Variants in CENPP observed in about 807,000 individuals in gnomAD.
CENPP encodes the protein centromere protein P.
A neutral mutation model predicts 35.6 loss-of-function variants in CENPP; 24 were observed. The observed-to-expected ratio is 0.67, with a 90% CI of 0.49 to 0.95. The LOEUF is 0.95. Among genes scored for constraint, CENPP ranks in the 40% least tolerant of loss-of-function variants. The pLI, the probability that CENPP is intolerant of heterozygous loss-of-function variation, is 0.00. For missense variants in CENPP, 332 were observed against 345.3 expected, an observed-to-expected ratio of 0.96 and a Z score of 0.31; for synonymous variants, 120 against 125.5, an observed-to-expected ratio of 0.96 and a Z score of 0.29.
At chr9:92,388,904 A>G (rs1008139342) in intron 5 of CENPP, among the ~76,000 whole-genome samples, 6 of 151,798 alleles carry the variant, frequency 4.0e-5, no homozygotes, top group African/African-American at 1.5e-4. Context: ...TGAGTTCCTT[A>G]TAAGAAACAT....
intron 5 of CENPP, among the ~76,000 whole-genome samples, chr9:92,425,329 G>A (rs1843936451): frequency 6.6e-6 from 1 of 152,128 alleles, no homozygotes; most frequent in Admixed American, 6.5e-5. Flanking sequence ...AAATAATTCT[G>A]TAGTATTGAA....
chr9:92,533,316 A>C (rs1230646336), intron 5 of CENPP, among the ~76,000 whole-genome samples: 1 of 97,178 alleles, frequency 1.0e-5, no homozygotes, highest in African/African-American at 4.2e-5. Flanking sequence ...AAAAAAAAAA[A>C]AAAAAAAAAA....
At chr9:92,581,576 A>G (rs1362091507) in intron 5 of CENPP, among the ~76,000 whole-genome samples, 1 of 152,196 alleles carries the variant, frequency 6.6e-6, no homozygotes, top group Non-Finnish European at 1.5e-5. Context: ...ATAATAGCAT[A>G]CTTCCTATAC....
At chr9:92,352,505 GTATACATATATATA>G (rs1841484696) in intron 4 of CENPP, among the ~76,000 whole-genome samples, 1 of 49,766 alleles carries the variant, frequency 2.0e-5, no homozygotes, top group Middle Eastern at 9.6e-3. Flanking sequence ...GTGTGTGTGT[GTATACATATATATA>G]TATATATATA....
rs1554686449 is a variant in CENPP, at chr9:92,552,215, A to ACC, written c.565-59096_565-59095dup. ...TACACACACACACACACACACACAC[A>ACC]CCCCACAGTTTCTTTATCCACTTGT... On this transcript the variant is annotated intron_variant, in intron 5 of 7. Transcript: ENST00000375587. 4.2e-3 allele frequency among the ~76,000 whole-genome samples: 614 copies of ACC among 146,906 alleles called. 11 individuals are homozygous for ACC. The highest frequency in any genetic ancestry group is 0.014 in the African/African-American group (543 of 39,102).
At chr9:92,579,751 G>T (rs1850373196) in intron 5 of CENPP, among the ~76,000 whole-genome samples, 1 of 128,776 alleles carries the variant, frequency 7.8e-6, no homozygotes, top group Non-Finnish European at 1.6e-5. Flanking sequence ...CTGTAAACAG[G>T]GACAATTTGA....
At chr9:92,362,331 A>G (rs1841775967) in intron 4 of CENPP, among the ~76,000 whole-genome samples, 1 of 152,220 alleles carries the variant, frequency 6.6e-6, no homozygotes, top group Admixed American at 6.5e-5. Flanking sequence ...AAGCTACTGC[A>G]TTCCAGCCTG....
intron 2 of CENPP, among the ~76,000 whole-genome samples, chr9:92,335,411 T>TGCATTTTTTCTTTACC (rs145694522): frequency 9.2e-5 from 14 of 152,310 alleles, no homozygotes; most frequent in Non-Finnish European, 1.5e-4. Flanking sequence ...GGATTCCATC[T>TGCATTTTTTCTTTACC]GCATTTTTTC....
At chr9:92,475,145 G>T (rs185255481) in intron 5 of CENPP, among the ~76,000 whole-genome samples, 1 of 152,062 alleles carries the variant, frequency 6.6e-6, no homozygotes, top group Non-Finnish European at 1.5e-5. Flanking sequence ...TTAAAATCTA[G>T]TCTCAGGAAA....
At chr9:92,380,158 A>G (rs1182250047) in intron 5 of CENPP, among the ~76,000 whole-genome samples, 2 of 152,244 alleles carry the variant, frequency 1.3e-5, no homozygotes, top group Non-Finnish European at 2.9e-5. Context: ...ACAAATGTTA[A>G]TAAAGAATAT....
chr9:92,471,658 A>G (rs1012603756), intron 5 of CENPP, among the ~76,000 whole-genome samples: 1 of 148,122 alleles, frequency 6.8e-6, no homozygotes, highest in Non-Finnish European at 1.5e-5. Context: ...TGATTCATAT[A>G]TTATTCTTTT....
At chr9:92,357,698 A>G (rs1841629325) in intron 4 of CENPP, among the ~76,000 whole-genome samples, 1 of 151,822 alleles carries the variant, frequency 6.6e-6, no homozygotes, top group South Asian at 2.1e-4. Flanking sequence ...GTGTTTCTCC[A>G]TGTTGGTTAG....
intron 2 of CENPP, 76 bp downstream of exon 2, chr9:92,332,427 T>C (rs1840780536): frequency 1.0e-6 from 1 of 987,690 alleles, no homozygotes; most frequent in East Asian, 2.9e-5. Context: ...TGTCATAATA[T>C]TGAATTAAAA....
intron 5 of CENPP, among the ~76,000 whole-genome samples, chr9:92,383,727 C>A (rs1053464207): frequency 1.2e-4 from 19 of 152,052 alleles, no homozygotes; most frequent in African/African-American, 3.1e-4. Context: ...CAAATTATTT[C>A]TTTAATTCTG....
intron 5 of CENPP, among the ~76,000 whole-genome samples, chr9:92,591,204 G>C (rs1158240595): frequency 6.6e-6 from 1 of 152,024 alleles, no homozygotes; most frequent in Non-Finnish European, 1.5e-5. Flanking sequence ...TGGATCACGA[G>C]GTCAGGAGAT....
At chr9:92,582,792 A>T (rs1479519842) in intron 5 of CENPP, among the ~76,000 whole-genome samples, 2 of 152,186 alleles carry the variant, frequency 1.3e-5, no homozygotes, top group Admixed American at 1.3e-4. Flanking sequence ...TTGGAAGGGC[A>T]CTGAAGAATA....
At chr9:92,605,878 T>C (rs1851065653) in intron 5 of CENPP, among the ~76,000 whole-genome samples, 1 of 152,248 alleles carries the variant, frequency 6.6e-6, no homozygotes, top group Admixed American at 6.5e-5. Context: ...ACCGAGAGAA[T>C]ATTTTTGATC....
chr9:92,350,523 T>G (rs1313817461), intron 4 of CENPP, among the ~76,000 whole-genome samples: 4 of 152,238 alleles, frequency 2.6e-5, no homozygotes, highest in African/African-American at 4.8e-5. Context: ...TGAGTCATCA[T>G]AGCTTTTAAG....
At chr9:92,400,348 A>G (rs903192273) in intron 5 of CENPP, among the ~76,000 whole-genome samples, 1 of 151,998 alleles carries the variant, frequency 6.6e-6, no homozygotes, top group African/African-American at 2.4e-5. Flanking sequence ...ACAGGGTTTC[A>G]CCATCTTGAC....
Sources: allele counts gnomAD v4.1 joint callset (sites outside exome capture counted in the v4.1 genomes callset), GRCh38; gene constraint gnomAD v4.1.1; transcripts MANE v1.5; gene names NCBI Gene and HGNC (gene_info 2026-07-23, HGNC 2026-07-21).